GFM2: variants seen among roughly 807,000 people sequenced by gnomAD.
GFM2 encodes ribosome-releasing factor 2, mitochondrial.
GFM2 carries 72 observed loss-of-function variants against 95.4 expected under a neutral mutation model. The observed-to-expected ratio is 0.76, with a 90% CI of 0.62 to 0.92. The LOEUF (loss-of-function observed/expected upper bound fraction) is 0.92. GFM2 is among the 40% of genes least tolerant of loss of function. The pLI is 0.00. For missense variants in GFM2, 825 were observed against 924.1 expected (o/e 0.89, Z 1.39); for synonymous variants, 276 against 317.5 (o/e 0.87, Z 1.39).
chr5:74,738,785 T>C (rs1196129287), intron 12 of GFM2, 143 bp from the exon 13 acceptor site: 1 of 664,678 alleles, frequency 1.5e-6, no homozygotes, highest in Non-Finnish European at 2.4e-6. Flanking sequence ...TACGTAACTC[T>C]CTTCTTCCAT....
At position 74,759,422 on chromosome 5, in the gene GFM2, T is replaced by C. The variant is rs1426540011; in HGVS notation, c.153A>G (p.Leu51=). ...GAAGGGATTTGATATCATTTCCTAT[T>C]AAGCCTAATGAAAAGAAAGTTAAAA... The part of the protein sequence containing the change: ...LGRNCSSLPG[L]IGNDIKSLHS... The change falls in exon 4 of 21, where the codon TTA becomes TTG. Residue 51 remains leucine (L), a synonymous_variant. Transcript: ENST00000296805. The C allele has an allele frequency of 2.0e-6, 3 of 1,504,574 alleles. 1 individual carries two copies. The South Asian group carries it at 3.5e-5, about 18-fold the overall frequency. 93.2% of individuals were successfully genotyped at this position (1,504,574 alleles called of 1,614,324 possible). A position where few individuals can be genotyped will look rare whatever the true frequency, so the allele number is the denominator to read the frequency against.
In GFM2 at chr5:74,733,287, T is replaced by C. The variant is rs1313222987; in HGVS notation, c.1511-189A>G. 7.9e-5 allele frequency: 38 copies of C among 483,538 alleles called. No homozygotes were observed. In the East Asian group the frequency reaches 1.3e-3, roughly 16 times the overall value. 30.0% of individuals were successfully genotyped at this position (483,538 alleles called of 1,614,324 possible). A position where few individuals can be genotyped will look rare whatever the true frequency, so the allele number is the denominator to read the frequency against. On this transcript the variant is annotated intron_variant, in intron 15 of 20. Coordinates refer to ENST00000296805, the MANE Select transcript of GFM2 (RefSeq NM_032380.5). ...AGAATGATCGCTTGAGCCCAGGAGTTTGCGACCAGCCTGGGCAACATGGCG... is the reference window on the plus strand; with the variant it reads ...AGAATGATCGCTTGAGCCCAGGAGTCTGCGACCAGCCTGGGCAACATGGCG...
intron 2 of GFM2, among the ~76,000 whole-genome samples, chr5:74,761,352 T>C (rs771378594): frequency 3.3e-5 from 5 of 152,172 alleles, no homozygotes; most frequent in South Asian, 2.1e-4. Context: ...AGCTCTCCAG[T>C]TGATTCTAAT....
intron 2 of GFM2, among the ~76,000 whole-genome samples, chr5:74,762,022 T>A (rs1744308408): frequency 6.6e-6 from 1 of 152,216 alleles, no homozygotes; most frequent in South Asian, 2.1e-4. Flanking sequence ...GTGCATAGTC[T>A]GAAAGCGTCA....
intron 15 of GFM2, among the ~76,000 whole-genome samples, chr5:74,734,843 G>A (rs551019019): frequency 5.9e-5 from 9 of 152,154 alleles, no homozygotes; most frequent in African/African-American, 1.9e-4. Context: ...TTCCTCTTGG[G>A]GGCTTAGGAC....
chr5:74,756,665 G>GTA (rs141460554), intron 5 of GFM2, among the ~76,000 whole-genome samples: 39,477 of 147,580 alleles, frequency 0.27, 7,552 homozygotes, highest in African/African-American at 0.55. Context: ...AAGTGTGTGT[G>GTA]TATATATATA....
At chr5:74,765,210 G>C in intron 1 of GFM2, 2 of 829,750 alleles carry the variant, frequency 2.4e-6, no homozygotes, top group Non-Finnish European at 3.0e-6. Flanking sequence ...AAGATAATTT[G>C]CACAACCCAG....
chr5:74,763,855 A>G (rs1229710302), intron 1 of GFM2, 89 bp from the exon 2 acceptor site: 5 of 657,574 alleles, frequency 7.6e-6, no homozygotes, highest in Admixed American at 7.0e-5. Context: ...TGTAATATGT[A>G]TGGTAAAATG....
intron 3 of GFM2, 80 bp downstream of exon 3, chr5:74,760,822 G>C: frequency 1.1e-6 from 1 of 922,214 alleles, no homozygotes; most frequent in Non-Finnish European, 1.7e-6. Flanking sequence ...GCCCTAATAA[G>C]GGAGATTCTT....
intron 19 of GFM2, among the ~76,000 whole-genome samples, chr5:74,723,693 T>C (rs1158158827): frequency 6.6e-6 from 1 of 152,166 alleles, no homozygotes; most frequent in Non-Finnish European, 1.5e-5. Flanking sequence ...ACCATTTTAC[T>C]TTTTCAACAC....
chr5:74,752,087 T>C (rs1743745879), intron 5 of GFM2, among the ~76,000 whole-genome samples: 1 of 152,140 alleles, frequency 6.6e-6, no homozygotes, highest in South Asian at 2.1e-4. Flanking sequence ...TAAATTATCC[T>C]TTACAAACCC....
chr5:74,728,748 CTT>C lies in GFM2; in HGVS notation c.1726+1510_1726+1511del, dbSNP rs57180600. Among the ~76,000 whole-genome samples, 201 of 58,146 alleles carry C rather than the reference CTT, an allele frequency of 3.5e-3. 1 individual carries two copies. Among genetic ancestry groups the C allele is most frequent in the African/African-American group, 0.011 (185 of 16,162 alleles). 38.1% of individuals were successfully genotyped at this position (58,146 alleles called of 152,430 possible). On this transcript the variant is annotated intron_variant, in intron 17 of 20. Transcript: ENST00000296805. ...AATATTCTTTTATGTGTGGGGGTTTCTTTTTTTTTTTTTTTTTTTTTTTTTTG... is the reference window on the plus strand; with the variant it reads ...AATATTCTTTTATGTGTGGGGGTTTCTTTTTTTTTTTTTTTTTTTTTTTTG...
At chr5:74,743,432 T>G (rs1743211773) in intron 10 of GFM2, among the ~76,000 whole-genome samples, 1 of 152,222 alleles carries the variant, frequency 6.6e-6, no homozygotes. Context: ...TATTTGACAG[T>G]AGGCACCCTA....
intron 17 of GFM2, among the ~76,000 whole-genome samples, chr5:74,726,584 T>A (rs1288142648): frequency 1.3e-5 from 2 of 152,200 alleles, no homozygotes; most frequent in Non-Finnish European, 2.9e-5. Flanking sequence ...CAGCAATATT[T>A]TATGCACTTA....
rs1424474058 is a variant in GFM2, at chr5:74,747,794, G to A, written c.520-14C>T. On this transcript the variant is annotated splice_polypyrimidine_tract_variant and intron_variant, in intron 7 of 20. Transcript: ENST00000296805. ...GAGAGTCTGGGCCTAAAGCAAAGAT[G>A]AGGAAAAAAATACATACTGAACAAA... The A allele has an allele frequency of 1.3e-6, 2 of 1,505,802 alleles. No homozygotes were observed. The allele number at this position is 1,505,802 out of a possible 1,614,324, so 93.3% of individuals were successfully genotyped here.
At chr5:74,760,639 T>C (rs532174270) in intron 3 of GFM2, among the ~76,000 whole-genome samples, 2 of 152,272 alleles carry the variant, frequency 1.3e-5, no homozygotes, top group African/African-American at 4.8e-5. Flanking sequence ...CACTCACATG[T>C]TAAACTTGCA....
chr5:74,723,992 A>AGAT (rs1176879434), intron 19 of GFM2, among the ~76,000 whole-genome samples: 1 of 152,196 alleles, frequency 6.6e-6, no homozygotes, highest in African/African-American at 2.4e-5. Flanking sequence ...AGCACAACAC[A>AGAT]GATGACTCAA....
At chr5:74,735,266 A>C (rs1277035080) in intron 15 of GFM2, among the ~76,000 whole-genome samples, 1 of 152,198 alleles carries the variant, frequency 6.6e-6, no homozygotes, top group East Asian at 1.9e-4. Context: ...AGTGGACACA[A>C]AAAGACTCAG....
Position 74,748,769 on chromosome 5 carries a change from G to A in GFM2, c.520-989C>T, listed in dbSNP as rs867703296. 9.9e-5 allele frequency among the ~76,000 whole-genome samples: 15 copies of A among 151,516 alleles called. No homozygotes were observed. The South Asian group carries it at 2.1e-3, about 21-fold the overall frequency. On this transcript the variant is annotated intron_variant, in intron 7 of 20. Transcript: ENST00000296805. ...AGTCCCAGATACTCGGGAAGCTGAG[G>A]CACAAGGATCGCTTGAACCCGGGAG...
Sources: gnomAD v4.1 joint callset for allele counts (sites outside exome capture counted in the v4.1 genomes callset) on GRCh38, gnomAD v4.1.1 for gene constraint, MANE v1.5 for transcripts, NCBI Gene and HGNC (gene_info 2026-07-23, HGNC 2026-07-21) for gene names.